Variants in FGF2 observed in about 807,000 individuals in gnomAD.
The protein encoded by FGF2 is basic fibroblast growth factor bFGF.
A neutral mutation model predicts 15.9 loss-of-function variants in FGF2; 13 were observed. That is an observed-to-expected ratio of 0.82 (90% confidence interval 0.53 to 1.30). The LOEUF is 1.30. FGF2 is among the 50% of genes most tolerant of loss of function. The probability of loss-of-function intolerance (pLI) is 0.00; values close to 1 mark genes in which losing one functional copy is unlikely to be tolerated. For missense variants in FGF2, 163 were observed against 196.9 expected, an observed-to-expected ratio of 0.83 and a Z score of 1.03; for synonymous variants, 90 against 78.4, an observed-to-expected ratio of 1.15 and a Z score of -0.78.
At position 122,893,275 on chromosome 4, in the gene FGF2, A is replaced by G; in HGVS notation, c.*879A>G. 6.7e-7 allele frequency: 1 copy of G among 1,500,972 alleles called. No homozygotes were observed. The highest frequency in any genetic ancestry group is 8.9e-7 in the Non-Finnish European group (1 of 1,120,484). The allele number at this position is 1,500,972 out of a possible 1,614,324, so 93.0% of individuals were successfully genotyped here. Reference sequence around the variant, plus strand: ...ATCAATAATAATTACACTTTTAGAAACTGTATCATCAAAGATTTTCAGTTA... The same window carrying G: ...ATCAATAATAATTACACTTTTAGAAGCTGTATCATCAAAGATTTTCAGTTA... On this transcript the variant is annotated 3_prime_UTR_variant, in exon 3 of 3. Transcript: ENST00000644866.
At chr4:122,826,764 G>T (rs1725634693), upstream of FGF2, 5 of 1,324,098 alleles carry the variant, frequency 3.8e-6, no homozygotes, top group African/African-American at 6.0e-5. Flanking sequence ...GGAGAACTGG[G>T]GGCGCGGGAG....
At chr4:122,833,378 A>G (rs1013221544) in intron 1 of FGF2, among the ~76,000 whole-genome samples, 4 of 152,354 alleles carry the variant, frequency 2.6e-5, no homozygotes, top group Middle Eastern at 3.4e-3. Flanking sequence ...ATAATTGAAC[A>G]ATTGAAAGGA....
chr4:122,841,812 T>C (rs1725990134), intron 1 of FGF2, among the ~76,000 whole-genome samples: 1 of 152,208 alleles, frequency 6.6e-6, no homozygotes, highest in Non-Finnish European at 1.5e-5. Context: ...ATATATATTT[T>C]GCAACTCAAC....
At chr4:122,830,927 C>G (rs549800206) in intron 1 of FGF2, among the ~76,000 whole-genome samples, 2 of 151,780 alleles carry the variant, frequency 1.3e-5, no homozygotes, top group East Asian at 1.9e-4. Context: ...CTTGCAGGCT[C>G]CAGAGGACGC....
At chr4:122,851,857 T>TA (rs775449675) in intron 1 of FGF2, among the ~76,000 whole-genome samples, 1 of 152,350 alleles carries the variant, frequency 6.6e-6, no homozygotes. Context: ...AGCTGTGCCT[T>TA]ACTAATTCTA....
chr4:122,834,121 G>A (rs1195434530), intron 1 of FGF2, among the ~76,000 whole-genome samples: 1 of 152,144 alleles, frequency 6.6e-6, no homozygotes, highest in African/African-American at 2.4e-5. Context: ...CAAAGCAATA[G>A]GGGTTCATAT....
chr4:122,827,109 C>G lies in FGF2; in HGVS notation c.-66C>G. 2 of 1,253,564 alleles carry G rather than the reference C, an allele frequency of 1.6e-6. No individual in the cohort carries two copies. The highest frequency in any genetic ancestry group is 2.0e-6 in the Non-Finnish European group (2 of 1,001,574). The allele number at this position is 1,253,564 out of a possible 1,614,324, so 77.7% of individuals were successfully genotyped here. The stretch of plus-strand genomic sequence containing the variant: ...GCGGGTCGGAGGCCGGGGCCGGGGC[C>G]GGGGGACGGCGGCTCCCCGCGCGGC... On this transcript the variant is annotated 5_prime_UTR_variant, in exon 1 of 3. Transcript: ENST00000644866. The surrounding 1 kb of genome is among the most constrained non-coding windows in gnomAD (Gnocchi z 4.2).
chr4:122,847,297 G>A lies in FGF2; in HGVS notation c.178+19945G>A, dbSNP rs28687896. Reference sequence around the variant, plus strand: ...TTATACTCACGGAACAATGACTTGGGAGAGACAGGAAAGGCCTGGATCAGA... The same window carrying A: ...TTATACTCACGGAACAATGACTTGGAAGAGACAGGAAAGGCCTGGATCAGA... On this transcript the variant is annotated intron_variant, in intron 1 of 2. Transcript: ENST00000644866. Among the ~76,000 whole-genome samples the A allele has an allele frequency of 7.3e-3, 1,115 of 152,296 alleles. 9 individuals carry two copies. Among genetic ancestry groups the A allele is most frequent in the African/African-American group, 0.025 (1,037 of 41,552 alleles).
At position 122,897,612 on chromosome 4, in the gene FGF2, A is replaced by C; in HGVS notation, c.*5216A>C. ...CATTTTTAAGCCAATTAAAAATATA[A>C]AAGATACACACCAATATCTTCTTCA... On this transcript the variant is annotated 3_prime_UTR_variant, in exon 3 of 3. Coordinates refer to ENST00000644866, the MANE Select transcript of FGF2 (RefSeq NM_001361665.2). The C allele has an allele frequency of 1.3e-6, 2 of 1,577,488 alleles. No homozygotes were observed. The highest frequency in any genetic ancestry group is 1.7e-6 in the Non-Finnish European group (2 of 1,147,040).
chr4:122,859,957 G>T (rs1245147342), intron 1 of FGF2, among the ~76,000 whole-genome samples: 1 of 152,088 alleles, frequency 6.6e-6, no homozygotes, highest in Non-Finnish European at 1.5e-5. Context: ...TGATACTGAA[G>T]GTCTTCTTGA....
chr4:122,888,947 T>C (rs757674864), intron 2 of FGF2: 2 of 152,236 alleles, frequency 1.3e-5, no homozygotes, highest in Non-Finnish European at 2.9e-5. Context: ...CATTGATGTG[T>C]CTTAGATGCC....
intron 2 of FGF2, among the ~76,000 whole-genome samples, chr4:122,889,289 C>T (rs1310069526): frequency 6.6e-6 from 1 of 152,048 alleles, no homozygotes; most frequent in Non-Finnish European, 1.5e-5. Flanking sequence ...GCTTTGGAAA[C>T]AAGGTACAAG....
Position 122,892,645 on chromosome 4 carries a change from C to A in FGF2, c.*249C>A, listed in dbSNP as rs1727218401. ...AGTGAAGCTTACCTAGAGCAATGATCTTTTTCACGCATTTGCTTTATTCGA... is the reference window on the plus strand; with the variant it reads ...AGTGAAGCTTACCTAGAGCAATGATATTTTTCACGCATTTGCTTTATTCGA... On this transcript the variant is annotated 3_prime_UTR_variant, in exon 3 of 3. Coordinates refer to ENST00000644866, the MANE Select transcript of FGF2 (RefSeq NM_001361665.2). 6.4e-6 allele frequency: 9 copies of A among 1,409,486 alleles called. No homozygotes were observed. In the South Asian group the frequency reaches 1.4e-4, roughly 22 times the overall value. The allele number at this position is 1,409,486 out of a possible 1,614,324, so 87.3% of individuals were successfully genotyped here.
Sources: gnomAD v4.1 joint callset for allele counts (sites outside exome capture counted in the v4.1 genomes callset) on GRCh38, gnomAD v4.1.1 for gene constraint, Gnocchi (gnomAD v3.1) non-coding constraint, MANE v1.5 for transcripts, NCBI Gene and HGNC (gene_info 2026-07-23, HGNC 2026-07-21) for gene names.